PCDHGA7: variants seen among roughly 807,000 people sequenced by gnomAD.
PCDHGA7 encodes protocadherin gamma-A7.
Under a neutral mutation model 58.3 loss-of-function variants are expected in PCDHGA7, and 44 were observed. The ratio of observed to expected loss-of-function variants is 0.75; its 90% CI spans 0.59 to 0.97. PCDHGA7 has a LOEUF of 0.97. Among genes scored for constraint, PCDHGA7 ranks in the 50% least tolerant of loss-of-function variants. PCDHGA7 has a pLI of 0.00. For missense variants in PCDHGA7, 1,266 were observed against 1,188.7 expected, an observed-to-expected ratio of 1.06 and a Z score of -0.96; for synonymous variants, 516 against 504.2, an observed-to-expected ratio of 1.02 and a Z score of -0.31.
chr5:141,507,816 TG>T (rs1478957063), intron 3 of PCDHGA7, among the ~76,000 whole-genome samples: 1 of 152,130 alleles, frequency 6.6e-6, no homozygotes, highest in African/African-American at 2.4e-5. Flanking sequence ...GAACGGACCC[TG>T]GGGGTGGAGG....
chr5:141,415,389 T>A lies in PCDHGA7; in HGVS notation c.2424+30066T>A, dbSNP rs1282535508. On this transcript the variant is annotated intron_variant, in intron 1 of 3. Transcript: ENST00000518325. ...AGGCTTCAGGAGGCGGCTTGACAGG[T>A]GTGTCCGGCTCGCACTTTGTGGGCG... 9.3e-6 allele frequency: 15 copies of A among 1,614,162 alleles called. No individual in the cohort carries two copies. The East Asian group carries it at 2.5e-4, about 26-fold the overall frequency.
Position 141,491,382 on chromosome 5 carries a change from G to T in PCDHGA7, c.2425-3425G>T, listed in dbSNP as rs918558. 0.21 allele frequency: 331,798 copies of T among 1,613,774 alleles called. 36,318 individuals are homozygous for T. The highest frequency in any genetic ancestry group is 0.37 in the Admixed American group (22,359 of 60,012). ...TAGTCACCTTCACCTTTCTGTCAGC[G>T]AAGTGCCTTCAGGGAAACGCAGACG... is the stretch of plus-strand genomic sequence containing the variant. On this transcript the variant is annotated intron_variant, in intron 1 of 3. Transcript: ENST00000518325. This position sits in a 1 kb window ranked among gnomAD's most constrained non-coding sequence, Gnocchi z 6.9.
intron 1 of PCDHGA7, chr5:141,403,482 A>G (rs764737675): frequency 5.0e-6 from 8 of 1,613,774 alleles, no homozygotes; most frequent in Non-Finnish European, 6.8e-6. Context: ...CCCAATCACC[A>G]CTTCTCCCTG....
chr5:141,384,321 G>A lies in PCDHGA7; in HGVS notation c.1422G>A (p.Val474=), dbSNP rs6883770. 89,474 of 1,613,740 alleles carry A rather than the reference G, an allele frequency of 0.055. 2,962 individuals are homozygous for A. Among genetic ancestry groups the A allele is most frequent in the African/African-American group, 0.14 (10,595 of 74,998 alleles). ...CCAGAGGGGCCTCCATTTTCTTAGT[G>A]ACTGCACAGGACCACGACAGTGAGG... ...NNPRGASIFL[V]TAQDHDSEDN... is the part of the protein sequence containing the mutation. Residue 474 remains valine, a synonymous_variant, in exon 1 of 4, where the codon GTG becomes GTA. Transcript: ENST00000518325.
In PCDHGA7 at chr5:141,382,948, T is replaced by C; in HGVS notation, c.49T>C (p.Ser17Pro). Reference protein sequence around the residue: ...GGDYRGFFLLSILLGTPWEAW... With the variant: ...GGDYRGFFLLPILLGTPWEAW... ...GGACTACAGAGGATTCTTCCTGCTC[T>C]CCATCCTCCTGGGGACCCCCTGGGA... Residue 17 changes from serine (S) to proline (P), a missense_variant, in exon 1 of 4, where the codon TCC becomes CCC. Physicochemically the swap from Ser to Pro is moderately conservative, Grantham distance 74 (BLOSUM62 -1). Coordinates refer to ENST00000518325, the MANE Select transcript of PCDHGA7 (RefSeq NM_018920.4). The C allele has an allele frequency of 2.5e-6, 4 of 1,599,496 alleles. No homozygotes were observed. Among genetic ancestry groups the C allele is most frequent in the Non-Finnish European group, 3.4e-6 (4 of 1,170,734 alleles).
At chr5:141,403,300 G>C (rs1469024873) in intron 1 of PCDHGA7, 4 of 1,613,892 alleles carry the variant, frequency 2.5e-6, no homozygotes, top group Non-Finnish European at 3.4e-6. Context: ...GAGTGAAACT[G>C]TACGGAATAG....
At position 141,432,580 on chromosome 5, in the gene PCDHGA7, T is replaced by C. The variant is rs773087131; in HGVS notation, c.2424+47257T>C. 20 of 1,613,202 alleles carry C rather than the reference T, an allele frequency of 1.2e-5. No individual in the cohort carries two copies. The highest frequency in any genetic ancestry group is 4.0e-5 in the African/African-American group (3 of 74,662). On this transcript the variant is annotated intron_variant, in intron 1 of 3. Transcript: ENST00000518325. The surrounding 1 kb of genome is among the most constrained non-coding windows in gnomAD (Gnocchi z 6.0). ...GCCAGAACGCCTGGCTGTCCTACCG[T>C]CTGCTCAAGGCCAGCGAGCCGGGAC... is the stretch of plus-strand genomic sequence containing the variant.
chr5:141,386,660 A>C (rs1300288203), intron 1 of PCDHGA7, among the ~76,000 whole-genome samples: 1 of 151,968 alleles, frequency 6.6e-6, no homozygotes, highest in Non-Finnish European at 1.5e-5. Context: ...CAAGTTCTGC[A>C]GTGTTCACAT....
rs771647688 is a variant in PCDHGA7 at position 141,399,795 on chromosome 5, G to A, written c.2424+14472G>A. 10 of 1,613,202 alleles carry A rather than the reference G, an allele frequency of 6.2e-6. No individual in the cohort carries two copies. In the South Asian group the frequency reaches 8.8e-5, roughly 14 times the overall value. On this transcript the variant is annotated intron_variant, in intron 1 of 3. Transcript: ENST00000518325. ...TGGGCGACCGAAACGACAACGCACC[G>A]CGGGTGCTGTACCCCGCGCTGGGTC...
intron 3 of PCDHGA7, chr5:141,506,988 A>G (rs1364718512): frequency 1.3e-5 from 2 of 152,192 alleles, no homozygotes; most frequent in Non-Finnish European, 2.9e-5. Context: ...CTGATTTCTC[A>G]CACTCGACAG....
intron 1 of PCDHGA7, chr5:141,428,368 C>A (rs1403173774): frequency 1.3e-5 from 7 of 544,884 alleles, no homozygotes; most frequent in Non-Finnish European, 2.4e-5. Flanking sequence ...GGTCGCCTTG[C>A]ACCTGCGATG....
At chr5:141,506,382 G>T (rs1311307230) in intron 3 of PCDHGA7, among the ~76,000 whole-genome samples, 1 of 151,500 alleles carries the variant, frequency 6.6e-6, no homozygotes, top group East Asian at 1.9e-4. Flanking sequence ...CTGGGAGGTG[G>T]CTGTGGTGAG....
At chr5:141,496,782 C>T (rs552953558) in intron 2 of PCDHGA7, among the ~76,000 whole-genome samples, 16 of 152,136 alleles carry the variant, frequency 1.1e-4, no homozygotes, top group South Asian at 2.1e-4. Context: ...TGAGCAGGGC[C>T]CTGTGCTAAA....
chr5:141,452,641 CT>C (rs1351640847), intron 1 of PCDHGA7, among the ~76,000 whole-genome samples: 3 of 151,934 alleles, frequency 2.0e-5, no homozygotes, highest in Admixed American at 1.3e-4. Flanking sequence ...AATATATTTA[CT>C]CATTTGCTCC....
intron 1 of PCDHGA7, chr5:141,393,004 T>C (rs781030004): frequency 1.2e-6 from 2 of 1,613,554 alleles, no homozygotes; most frequent in Middle Eastern, 1.7e-4. Flanking sequence ...AAGCACGGAG[T>C]CCGTATCGTC....
In PCDHGA7 at chr5:141,432,038, C is replaced by T. The variant is rs202246871; in HGVS notation, c.2424+46715C>T. ...CAACATCACAGTGACCGCCACTGAC[C>T]GGGGAACCCCGCCCCTATCCACGGA... On this transcript the variant is annotated intron_variant, in intron 1 of 3. Coordinates refer to ENST00000518325, the MANE Select transcript of PCDHGA7 (RefSeq NM_018920.4). The surrounding 1 kb of genome is among the most constrained non-coding windows in gnomAD (Gnocchi z 6.0). 15 of 1,614,190 alleles carry T rather than the reference C, an allele frequency of 9.3e-6. No individual in the cohort carries two copies. The African/African-American group carries it at 1.5e-4, about 16-fold the overall frequency.
At chr5:141,414,059 A>C (rs1008514691) in intron 1 of PCDHGA7, 1 of 1,609,440 alleles carries the variant, frequency 6.2e-7, no homozygotes, top group East Asian at 2.2e-5. Flanking sequence ...CAATTGTTGA[A>C]GTTCCAACTA....
intron 1 of PCDHGA7, chr5:141,420,053 T>C (rs1178680836): frequency 3.1e-6 from 5 of 1,613,970 alleles, no homozygotes; most frequent in Non-Finnish European, 2.5e-6. Context: ...GTCAGTTCTC[T>C]GCTCCAAGTC....
At chr5:141,403,773 AC>A (rs2094454199) in intron 1 of PCDHGA7, 1 of 1,613,838 alleles carries the variant, frequency 6.2e-7, no homozygotes, top group South Asian at 1.1e-5. Flanking sequence ...GAGGGAATCA[AC>A]GGAAAAGTGG....
Sources: gnomAD v4.1 joint callset for allele counts (sites outside exome capture counted in the v4.1 genomes callset) on GRCh38, gnomAD v4.1.1 for gene constraint, Gnocchi (gnomAD v3.1) non-coding constraint, MANE v1.5 for transcripts, NCBI Gene and HGNC (gene_info 2026-07-23, HGNC 2026-07-21) for gene names.